Variants in AP2B1 observed in about 807,000 individuals in gnomAD.
AP2B1 encodes the protein adaptor related protein complex 2 subunit beta 1, also known as AP-2 complex subunit beta.
Under a neutral mutation model 102.0 loss-of-function variants are expected in AP2B1, and 23 were observed. The ratio of observed to expected loss-of-function variants is 0.23; its 90% confidence interval spans 0.16 to 0.32. The LOEUF (loss-of-function observed/expected upper bound fraction) is 0.32. Ranked by LOEUF, AP2B1 falls within the 10% of genes least tolerant of loss-of-function variation. The probability of loss-of-function intolerance (pLI) is 1.00; values close to 1 mark genes in which losing one functional copy is unlikely to be tolerated. For missense variants in AP2B1, 541 were observed against 1,157.4 expected (o/e 0.47, Z 7.73); for synonymous variants, 381 against 421.2 (o/e 0.90, Z 1.17).
chr17:35,609,528 TA>T (rs1162967806), intron 5 of AP2B1, among the ~76,000 whole-genome samples: 10 of 152,244 alleles, frequency 6.6e-5, no homozygotes, highest in Non-Finnish European at 1.3e-4. Context: ...TTGTATTTTT[TA>T]GTAGAGACGG....
At chr17:35,720,739 A>G (rs1436612262) in intron 21 of AP2B1, among the ~76,000 whole-genome samples, 3 of 135,660 alleles carry the variant, frequency 2.2e-5, no homozygotes, top group South Asian at 2.5e-4. Context: ...CCCCTGCCCC[A>G]TATTTTTAAA....
intron 1 of AP2B1, among the ~76,000 whole-genome samples, chr17:35,589,206 G>A (rs944959951): frequency 2.0e-5 from 3 of 152,142 alleles, no homozygotes; most frequent in African/African-American, 7.2e-5. Context: ...ACCTGATGAT[G>A]CTATTGTCTT....
Position 35,725,078 on chromosome 17 carries a change from G to T in AP2B1, c.*1379G>T, listed in dbSNP as rs1279883478. 6.6e-6 allele frequency: 1 copy of T among 152,160 alleles called. No homozygotes were observed. Among genetic ancestry groups the T allele is most frequent in the Non-Finnish European group, 1.5e-5 (1 of 68,026 alleles). 9.4% of individuals were successfully genotyped at this position (152,160 alleles called of 1,614,324 possible). ...GCTCTTTCTTCATGATACTTAGTCT[G>T]CAGGGCATATTAAGATCATCCCAGA... On this transcript the variant is annotated 3_prime_UTR_variant, in exon 22 of 22. Transcript: ENST00000610402.
intron 2 of AP2B1, among the ~76,000 whole-genome samples, chr17:35,595,275 G>A (rs1194693341): frequency 6.6e-6 from 1 of 152,178 alleles, no homozygotes; most frequent in Non-Finnish European, 1.5e-5. Flanking sequence ...CAGGCATGGT[G>A]GCTTATGCCT....
chr17:35,599,464 G>A (rs1231904911), intron 3 of AP2B1, among the ~76,000 whole-genome samples: 1 of 152,220 alleles, frequency 6.6e-6, no homozygotes, highest in African/African-American at 2.4e-5. Flanking sequence ...ACTTTTCTGA[G>A]GAGATTGGTG....
chr17:35,684,881 A>G (rs1201693545), intron 18 of AP2B1, among the ~76,000 whole-genome samples: 1 of 152,204 alleles, frequency 6.6e-6, no homozygotes, highest in African/African-American at 2.4e-5. Context: ...TTCTGCTCTT[A>G]AAATGAAAAG....
chr17:35,707,719 C>T (rs1014266058), intron 18 of AP2B1, among the ~76,000 whole-genome samples: 2 of 152,192 alleles, frequency 1.3e-5, no homozygotes, highest in African/African-American at 4.8e-5. Context: ...TCCCAAAGTG[C>T]TGGGATTACA....
intron 14 of AP2B1, among the ~76,000 whole-genome samples, chr17:35,668,490 T>C (rs888785878): frequency 2.0e-5 from 3 of 152,150 alleles, no homozygotes; most frequent in Non-Finnish European, 4.4e-5. Flanking sequence ...ACACAGATGG[T>C]TGATTCCATT....
At chr17:35,615,777 T>TGATA (rs1262580201) in intron 5 of AP2B1, among the ~76,000 whole-genome samples, 1 of 152,214 alleles carries the variant, frequency 6.6e-6, no homozygotes, top group Non-Finnish European at 1.5e-5. Context: ...TAGGCACATA[T>TGATA]GATAATGTCA....
intron 9 of AP2B1, among the ~76,000 whole-genome samples, chr17:35,635,462 A>G (rs1259672546): frequency 1.3e-5 from 2 of 150,632 alleles, no homozygotes; most frequent in Non-Finnish European, 3.0e-5. Flanking sequence ...TCGGCTAACT[A>G]CAACCTCTGC....
In AP2B1 at chr17:35,657,723, A is replaced by G; in HGVS notation, c.1921A>G (p.Asn641Asp). 1 of 1,614,180 alleles carries G rather than the reference A, an allele frequency of 6.2e-7. No individual in the cohort carries two copies. The highest frequency in any genetic ancestry group is 8.5e-7 in the Non-Finnish European group (1 of 1,180,016). The change falls in exon 14 of 22, where the codon AAT (asparagine) becomes GAT (aspartate). Residue 641 changes from asparagine (N) to aspartate (D), a missense_variant. Asn to Asp is a conservative substitution (Grantham distance 23, BLOSUM62 1). Transcript: ENST00000610402. ...LLNLDLGPPV[N>D]VPQVSSMQMG... ...AAACCTTGACCTCGGTCCCCCAGTC[A>G]ATGTGCCACAGGTGTCCTCCATGCA...
chr17:35,708,160 A>C (rs2076380762), intron 18 of AP2B1, among the ~76,000 whole-genome samples: 1 of 152,228 alleles, frequency 6.6e-6, no homozygotes. Context: ...CTAGATAAGC[A>C]CTTTTTAACT....
intron 5 of AP2B1, among the ~76,000 whole-genome samples, chr17:35,615,755 C>G (rs1473758634): frequency 6.6e-6 from 1 of 152,094 alleles, no homozygotes; most frequent in African/African-American, 2.4e-5. Flanking sequence ...GGAGTTAGAG[C>G]TGGCAGAATT....
chr17:35,619,724 A>G (rs112207554), intron 5 of AP2B1, among the ~76,000 whole-genome samples: 2,109 of 152,280 alleles, frequency 0.014, 41 homozygotes, highest in African/African-American at 0.048. Context: ...AGTCTCCCCA[A>G]GAATAGAATT....
chr17:35,687,582 C>T (rs1267699257), intron 18 of AP2B1, among the ~76,000 whole-genome samples: 2 of 151,926 alleles, frequency 1.3e-5, no homozygotes, highest in East Asian at 3.8e-4. Context: ...AAATCTTGCT[C>T]AGTCACCCGG....
intron 18 of AP2B1, among the ~76,000 whole-genome samples, chr17:35,703,137 T>C (rs909370946): frequency 1.3e-5 from 2 of 151,778 alleles, no homozygotes; most frequent in African/African-American, 2.4e-5. Flanking sequence ...CCGGGCGTGG[T>C]GGCCAGCGCC....
In AP2B1 at chr17:35,724,798, C is replaced by T. The variant is rs1267262260; in HGVS notation, c.*1099C>T. On this transcript the variant is annotated 3_prime_UTR_variant, in exon 22 of 22. Transcript: ENST00000610402. ...TGTCGTTTTCCCCTAATGCCTTCTC[C>T]TGCCTTTTCTGTGCCTAGTTTTTGG... is the stretch of plus-strand genomic sequence containing the variant. 6.6e-6 allele frequency: 1 copy of T among 152,216 alleles called. No homozygotes were observed. Among genetic ancestry groups the T allele is most frequent in the African/African-American group, 2.4e-5 (1 of 41,442 alleles). The allele number at this position is 152,216 out of a possible 1,614,324, so 9.4% of individuals were successfully genotyped here.
At chr17:35,665,880 G>A (rs902954994) in intron 14 of AP2B1, among the ~76,000 whole-genome samples, 4 of 152,172 alleles carry the variant, frequency 2.6e-5, no homozygotes, top group African/African-American at 9.7e-5. Context: ...GGTCAAAGGG[G>A]CTAACCCAGA....
In AP2B1 at chr17:35,627,615, T is replaced by C; in HGVS notation, c.1060-16T>C. On this transcript the variant is annotated splice_polypyrimidine_tract_variant and intron_variant, in intron 8 of 21. Transcript: ENST00000610402. ...TTGAGAATCCTTAATGATTAACCAC[T>C]TCCTGGGTTTAACAGGTTCTGGCAG... The C allele has an allele frequency of 1.9e-6, 3 of 1,613,724 alleles. No homozygotes were observed. Among genetic ancestry groups the C allele is most frequent in the Non-Finnish European group, 2.5e-6 (3 of 1,179,800 alleles).
Sources: gnomAD v4.1 joint callset for allele counts (sites outside exome capture counted in the v4.1 genomes callset) on GRCh38, gnomAD v4.1.1 for gene constraint, MANE v1.5 for transcripts, NCBI Gene and HGNC (gene_info 2026-07-23, HGNC 2026-07-21) for gene names.